Variants in MYT1L observed in about 807,000 individuals in gnomAD.
MYT1L encodes myelin transcription factor 1 like.
MYT1L carries 12 observed loss-of-function variants against 126.7 expected under a neutral mutation model. The observed-to-expected ratio is 0.09, with a 90% CI of 0.06 to 0.15. MYT1L has a LOEUF of 0.15. Among genes scored for constraint, MYT1L ranks in the 10% least tolerant of loss-of-function variants. MYT1L has a pLI of 1.00. For missense variants in MYT1L, 979 were observed against 1,585.2 expected (o/e 0.62, Z 6.49); for synonymous variants, 541 against 604.2 (o/e 0.90, Z 1.53).
intron 2 of MYT1L, among the ~76,000 whole-genome samples, chr2:2,240,288 C>T (rs903935221): frequency 7.3e-5 from 11 of 151,098 alleles, no homozygotes; most frequent in African/African-American, 2.2e-4. Context: ...AGCGAAACTC[C>T]GTCTCTAAAT....
intron 1 of MYT1L, among the ~76,000 whole-genome samples, chr2:2,327,825 T>C (rs1419947020): frequency 1.3e-5 from 2 of 152,212 alleles, no homozygotes; most frequent in African/African-American, 4.8e-5. Flanking sequence ...GAGGAGTTTT[T>C]TTTAATATAA....
chr2:2,113,442 C>T (rs1487903930), intron 3 of MYT1L, among the ~76,000 whole-genome samples: 1 of 152,210 alleles, frequency 6.6e-6, no homozygotes, highest in Non-Finnish European at 1.5e-5. Context: ...CAGGTCACTC[C>T]TGCACCTGGA....
At chr2:2,170,243 G>C (rs1039643776) in intron 3 of MYT1L, among the ~76,000 whole-genome samples, 2 of 152,216 alleles carry the variant, frequency 1.3e-5, no homozygotes, top group Non-Finnish European at 2.9e-5. Flanking sequence ...GGCTATTTCA[G>C]AACTGGGAAC....
chr2:2,003,732 C>T (rs905449952), intron 4 of MYT1L, among the ~76,000 whole-genome samples: 6 of 152,202 alleles, frequency 3.9e-5, no homozygotes, highest in African/African-American at 1.4e-4. Flanking sequence ...GCCGAGCCTC[C>T]TCCATGTCTG....
chr2:1,861,654 A>AGATCTGCCTG (rs2044634717), intron 18 of MYT1L, among the ~76,000 whole-genome samples: 6 of 23,802 alleles, frequency 2.5e-4, no homozygotes, highest in African/African-American at 9.6e-4. Context: ...GGATCTTCCT[A>AGATCTGCCTG]CAGCCTGTGT....
intron 3 of MYT1L, among the ~76,000 whole-genome samples, chr2:2,083,926 G>A (rs778374012): frequency 6.7e-6 from 1 of 149,442 alleles, no homozygotes; most frequent in East Asian, 2.0e-4. Context: ...AGTGTAGACC[G>A]AGAAGGCTAC....
intron 1 of MYT1L, among the ~76,000 whole-genome samples, chr2:2,327,957 C>T (rs765131684): frequency 6.6e-5 from 10 of 152,008 alleles, no homozygotes; most frequent in Admixed American, 5.9e-4. Context: ...AATGTCTCTC[C>T]CTCAAATTAA....
intron 3 of MYT1L, among the ~76,000 whole-genome samples, chr2:2,057,569 T>G (rs1009458656): frequency 3.9e-5 from 6 of 152,194 alleles, no homozygotes; most frequent in African/African-American, 1.4e-4. Flanking sequence ...CCCAGCCTCT[T>G]TCCTTTCAGA....
At chr2:2,083,384 A>G (rs560775525) in intron 3 of MYT1L, among the ~76,000 whole-genome samples, 4 of 152,300 alleles carry the variant, frequency 2.6e-5, no homozygotes, top group East Asian at 1.9e-4. Flanking sequence ...AATGGCCCCA[A>G]TGAGCAGAGA....
chr2:2,259,166 T>G, intron 2 of MYT1L, among the ~76,000 whole-genome samples: 1 of 71,190 alleles, frequency 1.4e-5, no homozygotes, highest in South Asian at 7.3e-4. Flanking sequence ...ACACCGCATA[T>G]TCTCACTCAT....
chr2:2,212,326 G>A (rs2148913174), intron 2 of MYT1L, among the ~76,000 whole-genome samples: 1 of 152,320 alleles, frequency 6.6e-6, no homozygotes, highest in South Asian at 2.1e-4. Context: ...ATTTTAGGAA[G>A]ATTGGGTGGT....
intron 5 of MYT1L, among the ~76,000 whole-genome samples, chr2:1,995,209 C>T (rs1290555120): frequency 1.3e-5 from 2 of 151,948 alleles, no homozygotes; most frequent in Non-Finnish European, 2.9e-5. Context: ...AATGTCTTTC[C>T]TGTGTGTTTA....
intron 18 of MYT1L, among the ~76,000 whole-genome samples, chr2:1,866,897 T>G (rs1222270057): frequency 1.3e-3 from 83 of 63,882 alleles, no homozygotes; most frequent in East Asian, 3.0e-3. Flanking sequence ...AGGGAAAGGG[T>G]GAGAGACAGA....
At chr2:2,130,992 T>C (rs987413494) in intron 3 of MYT1L, among the ~76,000 whole-genome samples, 3 of 152,188 alleles carry the variant, frequency 2.0e-5, no homozygotes, top group African/African-American at 7.2e-5. Flanking sequence ...GCAGTCAATA[T>C]TTAAAGGAAA....
intron 11 of MYT1L, among the ~76,000 whole-genome samples, chr2:1,916,875 C>T (rs905189805): frequency 7.2e-5 from 11 of 152,172 alleles, no homozygotes; most frequent in African/African-American, 2.7e-4. Context: ...TAGAGGCCAT[C>T]GAATTCAATT....
intron 2 of MYT1L, among the ~76,000 whole-genome samples, chr2:2,209,862 G>C (rs937808441): frequency 6.6e-6 from 1 of 152,038 alleles, no homozygotes; most frequent in African/African-American, 2.4e-5. Flanking sequence ...GTAGTTTTTT[G>C]AGGAATCTCC....
At chr2:2,194,670 T>A (rs145160854) in intron 2 of MYT1L, among the ~76,000 whole-genome samples, 1 of 152,162 alleles carries the variant, frequency 6.6e-6, no homozygotes, top group East Asian at 1.9e-4. Context: ...GCTCAAGAAG[T>A]TTCCCAGCTG....
At chr2:1,830,397 C>T (rs2039975697) in intron 21 of MYT1L, among the ~76,000 whole-genome samples, 3 of 152,086 alleles carry the variant, frequency 2.0e-5, no homozygotes, top group Admixed American at 2.0e-4. Flanking sequence ...TCTGTCTGGC[C>T]CATAATAAGT....
At chr2:2,175,302 T>C (rs1206444623) in intron 2 of MYT1L, among the ~76,000 whole-genome samples, 2 of 152,080 alleles carry the variant, frequency 1.3e-5, no homozygotes, top group Non-Finnish European at 2.9e-5. Context: ...GCACATATTC[T>C]TTCCTGCTAT....
Sources: allele counts gnomAD v4.1 joint callset (sites outside exome capture counted in the v4.1 genomes callset), GRCh38; gene constraint gnomAD v4.1.1; transcripts MANE v1.5; gene names NCBI Gene and HGNC (gene_info 2026-07-23, HGNC 2026-07-21).